The following SHOC1 variants were observed in gnomAD, a reference collection of about 807,000 sequenced individuals.
The protein encoded by SHOC1 is shortage in chiasmata 1.
SHOC1 carries 136 observed loss-of-function variants against 179.2 expected under a neutral mutation model. That is an observed-to-expected ratio of 0.76 (90% CI 0.66 to 0.87). The LOEUF (loss-of-function observed/expected upper bound fraction) is 0.87. SHOC1 is among the 40% of genes least tolerant of loss of function. The pLI is 0.00. For missense variants in SHOC1, 1,538 were observed against 1,700.8 expected, an observed-to-expected ratio of 0.90 and a Z score of 1.68; for synonymous variants, 489 against 586.6, an observed-to-expected ratio of 0.83 and a Z score of 2.41.
chr9:111,707,777 G>A, intron 19 of SHOC1, 78 bp downstream of exon 19: 1 of 957,884 alleles, frequency 1.0e-6, no homozygotes, highest in Non-Finnish European at 1.6e-6. Flanking sequence ...AATTTTTAAA[G>A]TTAACTTCTA....
At chr9:111,703,831 G>A (rs1397643400) in intron 22 of SHOC1, 50 bp downstream of exon 22, 3 of 860,804 alleles carry the variant, frequency 3.5e-6, no homozygotes, top group Non-Finnish European at 5.5e-6. Flanking sequence ...AAATTACATA[G>A]CCATATATTT....
chr9:111,770,451 T>C (rs1267085218), intron 5 of SHOC1, among the ~76,000 whole-genome samples: 2 of 152,214 alleles, frequency 1.3e-5, no homozygotes, highest in Non-Finnish European at 2.9e-5. Context: ...TGGTCTATTC[T>C]GAAGAATATT....
rs1831487269 is a variant in SHOC1 at position 111,692,427 on chromosome 9, T to C, written c.3550A>G (p.Arg1184Gly). Residue 1184 changes from arginine (R) to glycine (G), a missense_variant, in exon 27 of 28, where the codon AGG (arginine) becomes GGG (glycine). By Grantham distance (125) the Arg-to-Gly change is moderately radical (BLOSUM62 -2). Transcript: ENST00000682961. ...GAAGACAAGGTACTAATCTGATTCCTATTTTCCTGAGGTGACGAAATTTGC... is the reference window on the plus strand; with the variant it reads ...GAAGACAAGGTACTAATCTGATTCCCATTTTCCTGAGGTGACGAAATTTGC... ...SPQISSPQEN[R>G]NQISTLSSQS... is the part of the protein sequence containing the mutation. 2 of 1,612,972 alleles carry C rather than the reference T, an allele frequency of 1.2e-6. No homozygotes were observed. The highest frequency in any genetic ancestry group is 1.7e-6 in the Non-Finnish European group (2 of 1,179,548).
At chr9:111,711,723 A>C (rs1832558904) in intron 18 of SHOC1, among the ~76,000 whole-genome samples, 1 of 152,210 alleles carries the variant, frequency 6.6e-6, no homozygotes, top group South Asian at 2.1e-4. Flanking sequence ...ATAGTCATTC[A>C]GAAAATAGGA....
Position 111,738,520 on chromosome 9 carries a change from G to C in SHOC1, c.1177C>G (p.Pro393Ala). 1 of 1,530,824 alleles carries C rather than the reference G, an allele frequency of 6.5e-7. No individual in the cohort carries two copies. 94.8% of individuals were successfully genotyped at this position (1,530,824 alleles called of 1,614,324 possible). ...SPLNPFLLTV[P>A]RIQEPHSQYS... Reference sequence around the variant, plus strand: ...TGGCTGTGGGGCTCTTGAATTCTTGGCACTTAAAAAAAAATAAAAAACAAA... The same window carrying C: ...TGGCTGTGGGGCTCTTGAATTCTTGCCACTTAAAAAAAAATAAAAAACAAA... Residue 393 changes from proline (P) to alanine (A), a missense_variant and splice_region_variant, in exon 12 of 28, where the codon CCA becomes GCA. Physicochemically the swap from Pro to Ala is conservative, Grantham distance 27. Coordinates refer to ENST00000682961, the MANE Select transcript of SHOC1 (RefSeq NM_001378211.1).
chr9:111,789,779 A>G (rs905652309), intron 2 of SHOC1, among the ~76,000 whole-genome samples: 1 of 152,262 alleles, frequency 6.6e-6, no homozygotes, highest in Admixed American at 6.5e-5. Flanking sequence ...ATGTTTGAAT[A>G]CAGACTAATT....
chr9:111,723,712 A>G, intron 14 of SHOC1, 80 bp downstream of exon 14: 1 of 1,302,760 alleles, frequency 7.7e-7, no homozygotes, highest in East Asian at 2.3e-5. Flanking sequence ...GACATGGAAA[A>G]TGAGGTATGT....
intron 8 of SHOC1, among the ~76,000 whole-genome samples, chr9:111,748,719 C>T (rs1834404357): frequency 6.7e-6 from 1 of 148,268 alleles, no homozygotes; most frequent in African/African-American, 2.5e-5. Flanking sequence ...TTTTACCTAT[C>T]CCTTTTTTAT....
intron 17 of SHOC1, among the ~76,000 whole-genome samples, chr9:111,714,197 TA>T (rs1250052174): frequency 6.6e-6 from 1 of 152,096 alleles, no homozygotes; most frequent in Admixed American, 6.6e-5. Flanking sequence ...AAATTTTTTT[TA>T]TAGAGACAAG....
At chr9:111,697,096 C>A (rs571398059) in intron 24 of SHOC1, among the ~76,000 whole-genome samples, 3 of 152,076 alleles carry the variant, frequency 2.0e-5, no homozygotes, top group African/African-American at 7.2e-5. Context: ...TAAATATCCC[C>A]ATACCATAAT....
chr9:111,726,333 T>TA (rs1833291365), intron 13 of SHOC1, among the ~76,000 whole-genome samples: 1 of 152,158 alleles, frequency 6.6e-6, no homozygotes, highest in Non-Finnish European at 1.5e-5. Context: ...TATTACTTTT[T>TA]AAAAAAATGA....
chr9:111,759,050 A>G (rs1409989166), intron 5 of SHOC1: 1 of 1,220,536 alleles, frequency 8.2e-7, no homozygotes, highest in Non-Finnish European at 1.1e-6. Context: ...AAATTTTAGT[A>G]TTATCTAGGA....
At chr9:111,777,100 T>A (rs1835864500) in intron 4 of SHOC1, among the ~76,000 whole-genome samples, 2 of 152,132 alleles carry the variant, frequency 1.3e-5, no homozygotes. Context: ...CTTCTGCTCC[T>A]GGGTGGGATC....
chr9:111,758,676 TG>T lies in SHOC1; in HGVS notation c.596+18del. On this transcript the variant is annotated intron_variant, in intron 6 of 27. Transcript: ENST00000682961. Reference sequence around the variant, plus strand: ...CACCTCTTAAAAATATTTACAGCATTGGTCAATTAAGTAAGTACCTGGAAAA... The same window carrying T: ...CACCTCTTAAAAATATTTACAGCATTGTCAATTAAGTAAGTACCTGGAAAA... 1.3e-6 allele frequency: 2 copies of T among 1,553,148 alleles called. No homozygotes were observed. The highest frequency in any genetic ancestry group is 2.5e-5 in the South Asian group (2 of 81,250).
intron 17 of SHOC1, among the ~76,000 whole-genome samples, chr9:111,714,165 C>T (rs529051005): frequency 2.0e-5 from 3 of 152,238 alleles, no homozygotes; most frequent in East Asian, 3.9e-4. Context: ...CAGGTGCACA[C>T]CACCACGCCT....
intron 18 of SHOC1, among the ~76,000 whole-genome samples, chr9:111,710,479 G>A (rs1243949482): frequency 6.6e-6 from 1 of 152,104 alleles, no homozygotes; most frequent in East Asian, 1.9e-4. Flanking sequence ...TATATAGAGA[G>A]GCACTAATTG....
chr9:111,728,532 C>T (rs1439013243), intron 12 of SHOC1, among the ~76,000 whole-genome samples: 1 of 152,122 alleles, frequency 6.6e-6, no homozygotes, highest in African/African-American at 2.4e-5. Context: ...TATGCATATT[C>T]TACAAAATAG....
At chr9:111,763,025 C>T (rs1335431293) in intron 5 of SHOC1, among the ~76,000 whole-genome samples, 1 of 151,708 alleles carries the variant, frequency 6.6e-6, no homozygotes, top group Non-Finnish European at 1.5e-5. Flanking sequence ...TTGTTATATA[C>T]AAGCAATAAA....
intron 2 of SHOC1, among the ~76,000 whole-genome samples, chr9:111,789,402 A>C (rs1013937175): frequency 5.3e-5 from 8 of 152,216 alleles, no homozygotes; most frequent in African/African-American, 1.9e-4. Context: ...ACTGTATTAT[A>C]TAATGATATG....
Sources: gnomAD v4.1 joint callset for allele counts (sites outside exome capture counted in the v4.1 genomes callset) on GRCh38, gnomAD v4.1.1 for gene constraint, MANE v1.5 for transcripts, NCBI Gene and HGNC (gene_info 2026-07-23, HGNC 2026-07-21) for gene names.